Variants in TBCD observed in about 807,000 individuals in gnomAD.
TBCD encodes the protein tubulin-specific chaperone D.
A neutral mutation model predicts 169.3 loss-of-function variants in TBCD; 105 were observed. The observed-to-expected ratio is 0.62, with a 90% CI of 0.53 to 0.73. TBCD has a LOEUF of 0.73. Among genes scored for constraint, TBCD ranks in the 30% least tolerant of loss-of-function variants. The pLI is 0.00. For missense variants in TBCD, 1,444 were observed against 1,600.1 expected (o/e 0.90, Z 1.66); for synonymous variants, 700 against 643.9 (o/e 1.09, Z -1.32).
At chr17:82,836,183 T>C (rs2053956566) in intron 13 of TBCD, among the ~76,000 whole-genome samples, 7 of 152,248 alleles carry the variant, frequency 4.6e-5, no homozygotes, top group Admixed American at 4.6e-4. Flanking sequence ...TTTCCCTGCC[T>C]CCCTTCAGGA....
At position 82,889,741 on chromosome 17, in the gene TBCD, G is replaced by T. The variant is rs758289353; in HGVS notation, c.1563+44G>T. 1 of 1,609,140 alleles carries T rather than the reference G, an allele frequency of 6.2e-7. No individual in the cohort carries two copies. Among genetic ancestry groups the T allele is most frequent in the South Asian group, 1.1e-5 (1 of 90,666 alleles). On this transcript the variant is annotated intron_variant, in intron 16 of 38. Coordinates refer to ENST00000355528, the MANE Select transcript of TBCD (RefSeq NM_005993.5). The surrounding 1 kb of genome is among the most constrained non-coding windows in gnomAD (Gnocchi z 5.3). ...ACCTTTATTCCAAAAACTTCCTGCGGGTTTATAGGTAGGAATCTTGAGAGC... is the reference window on the plus strand; with the variant it reads ...ACCTTTATTCCAAAAACTTCCTGCGTGTTTATAGGTAGGAATCTTGAGAGC...
chr17:82,813,065 C>G (rs996864896), intron 12 of TBCD, among the ~76,000 whole-genome samples: 5 of 141,508 alleles, frequency 3.5e-5, no homozygotes, highest in African/African-American at 1.2e-4. Context: ...TCAAGCAGTC[C>G]TCTTGCCTCG....
At position 82,922,855 on chromosome 17, in the gene TBCD, C is replaced by T. The variant is rs945082560; in HGVS notation, c.2179-797C>T. 6.6e-6 allele frequency among the ~76,000 whole-genome samples: 1 copy of T among 152,252 alleles called. No individual in the cohort carries two copies. The highest frequency in any genetic ancestry group is 2.4e-5 in the African/African-American group (1 of 41,468). The stretch of plus-strand genomic sequence containing the variant: ...ACGTGGGTTTGGTGTTTGCCACTTG[C>T]TGGCTGTGTGGTCACGAGAGGCTCC... On this transcript the variant is annotated intron_variant, in intron 25 of 38. Transcript: ENST00000355528. This position sits in a 1 kb window ranked among gnomAD's most constrained non-coding sequence, Gnocchi z 4.1.
rs35049574 is a variant in TBCD, at chr17:82,816,848, TAA to T, written c.1318+1935_1318+1936del. The stretch of plus-strand genomic sequence containing the variant: ...CCACCACACTTGCCCCCTGCTTCTT[TAA>T]AAAAAAAAAAAAAAAAAAAAGCCGT... On this transcript the variant is annotated intron_variant, in intron 13 of 38. Coordinates refer to ENST00000355528, the MANE Select transcript of TBCD (RefSeq NM_005993.5). Among the ~76,000 whole-genome samples, 558 of 115,724 alleles carry T rather than the reference TAA, an allele frequency of 4.8e-3. 2 individuals are homozygous for T. The highest frequency in any genetic ancestry group is 0.014 in the African/African-American group (430 of 29,862). The allele number at this position is 115,724 out of a possible 152,430, so 75.9% of individuals were successfully genotyped here.
chr17:82,768,213 G>A (rs544239124), intron 4 of TBCD, among the ~76,000 whole-genome samples: 7 of 152,100 alleles, frequency 4.6e-5, no homozygotes, highest in Admixed American at 1.3e-4. Context: ...GCTAAGTTAC[G>A]GCGGTAGGTG....
At chr17:82,781,162 C>A (rs3791173) in intron 6 of TBCD, among the ~76,000 whole-genome samples, 14,763 of 151,820 alleles carry the variant, frequency 0.097, 991 homozygotes, top group South Asian at 0.29. Context: ...GGGGCTGGGG[C>A]CCAGCTGCCG....
intron 7 of TBCD, among the ~76,000 whole-genome samples, chr17:82,784,221 G>A (rs996657647): frequency 3.9e-5 from 6 of 152,184 alleles, no homozygotes; most frequent in Non-Finnish European, 8.8e-5. Flanking sequence ...AATTTGGAAT[G>A]TTTTCATCTT....
At chr17:82,887,166 TGTGCGC>T (rs1290222394) in intron 15 of TBCD, among the ~76,000 whole-genome samples, 56 of 109,148 alleles carry the variant, frequency 5.1e-4, no homozygotes, top group Middle Eastern at 5.2e-3. Context: ...TGTGTGTGTG[TGTGCGC>T]GCGCGCGCAC....
At chr17:82,823,762 A>G (rs901794386) in intron 13 of TBCD, among the ~76,000 whole-genome samples, 3 of 152,156 alleles carry the variant, frequency 2.0e-5, no homozygotes, top group Non-Finnish European at 4.4e-5. Flanking sequence ...AGAATATTCT[A>G]TTATTACTTA....
chr17:82,838,098 G>A (rs1008181919), intron 13 of TBCD, among the ~76,000 whole-genome samples: 7 of 152,248 alleles, frequency 4.6e-5, no homozygotes, highest in African/African-American at 2.4e-5. Flanking sequence ...CCTGCTCAAC[G>A]TGCACTGGGC....
intron 13 of TBCD, among the ~76,000 whole-genome samples, chr17:82,815,496 C>A (rs1429317781): frequency 6.6e-6 from 1 of 152,342 alleles, no homozygotes; most frequent in East Asian, 1.9e-4. Flanking sequence ...TCTGCAGTGG[C>A]CAGCAGTGGG....
chr17:82,842,768 TTTTC>T (rs1363574727), intron 13 of TBCD, among the ~76,000 whole-genome samples: 4 of 150,996 alleles, frequency 2.6e-5, no homozygotes, highest in South Asian at 2.1e-4. Context: ...GTGTTCTTCA[TTTTC>T]TTTCTTTCTT....
At chr17:82,849,390 C>A (rs890600475) in intron 13 of TBCD, among the ~76,000 whole-genome samples, 1 of 152,252 alleles carries the variant, frequency 6.6e-6, no homozygotes, top group Non-Finnish European at 1.5e-5. Flanking sequence ...TCCTGAGAGT[C>A]ACATTTCCAT....
intron 9 of TBCD, among the ~76,000 whole-genome samples, chr17:82,805,107 C>T (rs1203145610): frequency 6.6e-6 from 1 of 152,252 alleles, no homozygotes; most frequent in Non-Finnish European, 1.5e-5. Context: ...TTGGCAGGAG[C>T]AGCTGTGTAC....
chr17:82,801,525 TGTC>T (rs1449323904), intron 9 of TBCD, among the ~76,000 whole-genome samples: 43 of 109,506 alleles, frequency 3.9e-4, no homozygotes, highest in South Asian at 1.4e-3. Context: ...GCGGCATGTG[TGTC>T]GTCGTGTGGC....
At chr17:82,756,469 GTGTTTTTTT>G (rs1039963834) in intron 2 of TBCD, among the ~76,000 whole-genome samples, 28 of 152,012 alleles carry the variant, frequency 1.8e-4, no homozygotes, top group African/African-American at 4.8e-4. Flanking sequence ...TGCTCCTCAT[GTGTTTTTTT>G]TGTTTTTTTT....
intron 12 of TBCD, among the ~76,000 whole-genome samples, chr17:82,811,752 C>T (rs1393055550): frequency 6.6e-6 from 1 of 152,194 alleles, no homozygotes; most frequent in East Asian, 1.9e-4. Flanking sequence ...TCTGAAGACA[C>T]CAGGAAGCCA....
rs1489483742 is a variant in TBCD, at chr17:82,900,694, GACCACCTGGTT to G, written c.1698_1708del (p.Leu567GlufsTer94). 5 of 1,613,906 alleles carry G rather than the reference GACCACCTGGTT, an allele frequency of 3.1e-6. No homozygotes were observed. In the African/African-American group the frequency reaches 5.3e-5, roughly 17 times the overall value. On this transcript the variant is annotated frameshift_variant, in exon 18 of 39. Transcript: ENST00000355528. LOFTEE classifies it high-confidence loss of function. The stretch of plus-strand genomic sequence containing the variant: ...TCCTGAGTACACGCAGCCAATGATA[GACCACCTGGTT>G]ACCATGAAGATCAGCCACTGGGATG...
In TBCD at chr17:82,903,291, G is replaced by T. The variant is rs915599449; in HGVS notation, c.1731-114G>T. On this transcript the variant is annotated intron_variant, in intron 18 of 38. Transcript: ENST00000355528. The surrounding 1 kb of genome is among the most constrained non-coding windows in gnomAD (Gnocchi z 4.8). ...CGTGTGAGTGAGTGAGTGAGCCTCTGCTAAGTGGCCGGTTGAGGACTCGTG... is the reference window on the plus strand; with the variant it reads ...CGTGTGAGTGAGTGAGTGAGCCTCTTCTAAGTGGCCGGTTGAGGACTCGTG... 39 of 951,230 alleles carry T rather than the reference G, an allele frequency of 4.1e-5. No homozygotes were observed. Among genetic ancestry groups the T allele is most frequent in the Non-Finnish European group, 6.0e-5 (37 of 615,114 alleles). The allele number at this position is 951,230 out of a possible 1,614,324, so 58.9% of individuals were successfully genotyped here. A position where few individuals can be genotyped will look rare whatever the true frequency, so the allele number is the denominator to read the frequency against.
Sources: gnomAD v4.1 joint callset for allele counts (sites outside exome capture counted in the v4.1 genomes callset) on GRCh38, gnomAD v4.1.1 for gene constraint, Gnocchi (gnomAD v3.1) non-coding constraint, MANE v1.5 for transcripts, NCBI Gene and HGNC (gene_info 2026-07-23, HGNC 2026-07-21) for gene names.